Variants in KIF13A observed in about 807,000 individuals in gnomAD.
The protein encoded by KIF13A is kinesin family member 13A.
A neutral mutation model predicts 212.2 loss-of-function variants in KIF13A; 79 were observed. The observed-to-expected ratio is 0.37, with a 90% CI of 0.31 to 0.45. The LOEUF (loss-of-function observed/expected upper bound fraction) is 0.45, where lower values mean the gene tolerates loss of function less well. KIF13A is among the 20% of genes least tolerant of loss of function. The pLI is 1.00. For synonymous variants in KIF13A, 789 were observed against 808.6 expected (o/e 0.98, Z 0.41); for missense variants, 1,901 against 2,209.0 (o/e 0.86, Z 2.79).
intron 12 of KIF13A, among the ~76,000 whole-genome samples, chr6:17,832,468 C>G (rs896706407): frequency 1.3e-5 from 2 of 151,836 alleles, no homozygotes; most frequent in South Asian, 4.2e-4. Context: ...GAATCCCTGA[C>G]TCTACCAAAA....
At chr6:17,972,731 G>C (rs1779915112) in intron 2 of KIF13A, among the ~76,000 whole-genome samples, 1 of 151,460 alleles carries the variant, frequency 6.6e-6, no homozygotes, top group Non-Finnish European at 1.5e-5. Context: ...GTGCAGTCTA[G>C]GGAGTGTCTC....
chr6:17,880,134 T>C, intron 3 of KIF13A, among the ~76,000 whole-genome samples: 1 of 152,072 alleles, frequency 6.6e-6, no homozygotes, highest in East Asian at 1.9e-4. Flanking sequence ...TGTTATTTTT[T>C]GTAGAGATGG....
At position 17,854,651 on chromosome 6, in the gene KIF13A, G is replaced by A. The variant is rs990371617; in HGVS notation, c.494+786C>T. ...ACTCACTGCAACCTCTGCCTCCTGG[G>A]TTCAAGTGATTCTCCTGCAGCCTCT... On this transcript the variant is annotated intron_variant, in intron 6 of 38. Transcript: ENST00000259711. Among the ~76,000 whole-genome samples the A allele has an allele frequency of 2.7e-5, 4 of 145,944 alleles. No individual in the cohort carries two copies. In the East Asian group the frequency reaches 8.1e-4, roughly 29 times the overall value.
In KIF13A at chr6:17,968,296, A is replaced by C. The variant is rs1779501634; in HGVS notation, c.146+18758T>G. Among the ~76,000 whole-genome samples, 1 of 152,216 alleles carries C rather than the reference A, an allele frequency of 6.6e-6. No individual in the cohort carries two copies. On this transcript the variant is annotated intron_variant, in intron 2 of 38. Transcript: ENST00000259711. The surrounding 1 kb of genome is among the most constrained non-coding windows in gnomAD (Gnocchi z 4.7). Reference sequence around the variant, plus strand: ...CCCAGATTCACAGGCAATGGACTCCAGGTGGAGCTGGAGGAAGAGGCCCTG... The same window carrying C: ...CCCAGATTCACAGGCAATGGACTCCCGGTGGAGCTGGAGGAAGAGGCCCTG...
In KIF13A at chr6:17,845,464, T is replaced by C. The variant is rs145053826; in HGVS notation, c.830+3913A>G. On this transcript the variant is annotated intron_variant, in intron 9 of 38. Coordinates refer to ENST00000259711, the MANE Select transcript of KIF13A (RefSeq NM_022113.6). ...ACCCACTTTTGGAGATGTTAGCTTA[T>C]TGATAAGATGTTAGCTTATTAACCA... Among the ~76,000 whole-genome samples the C allele has an allele frequency of 1.2e-3, 183 of 152,332 alleles. 1 individual carries two copies. The highest frequency in any genetic ancestry group is 4.2e-3 in the African/African-American group (176 of 41,584).
Position 17,787,758 on chromosome 6 carries a change from G to C in KIF13A, c.3361+18C>G, listed in dbSNP as rs374186587. 18 of 1,469,858 alleles carry C rather than the reference G, an allele frequency of 1.2e-5. No homozygotes were observed. The African/African-American group carries it at 1.9e-4, about 16-fold the overall frequency. 91.1% of individuals were successfully genotyped at this position (1,469,858 alleles called of 1,614,324 possible). A position where few individuals can be genotyped will look rare whatever the true frequency, so the allele number is the denominator to read the frequency against. On this transcript the variant is annotated intron_variant, in intron 27 of 38. Coordinates refer to ENST00000259711, the MANE Select transcript of KIF13A (RefSeq NM_022113.6). The surrounding 1 kb of genome is among the most constrained non-coding windows in gnomAD (Gnocchi z 4.6). ...AGTGAAAAAGCTACTCCCCATAAAA[G>C]AGTTTGATCTCACATACCTGTTTTA...
intron 2 of KIF13A, among the ~76,000 whole-genome samples, chr6:17,970,124 G>A (rs1412696940): frequency 6.6e-6 from 1 of 151,196 alleles, no homozygotes; most frequent in African/African-American, 2.4e-5. Flanking sequence ...GGGTTTCACC[G>A]TGTTAGCTGG....
chr6:17,950,333 C>G (rs1272060935), intron 2 of KIF13A: 1 of 880,506 alleles, frequency 1.1e-6, no homozygotes, highest in Non-Finnish European at 1.4e-6. Flanking sequence ...GGGATTTAAA[C>G]AAATCTAAGC....
intron 38 of KIF13A, among the ~76,000 whole-genome samples, chr6:17,770,074 C>T (rs1364935428): frequency 6.6e-6 from 1 of 152,144 alleles, no homozygotes; most frequent in Non-Finnish European, 1.5e-5. Context: ...TGGCCAACTG[C>T]ATATCTGGAT....
At position 17,886,353 on chromosome 6, in the gene KIF13A, A is replaced by T. The variant is rs1771536069; in HGVS notation, c.159+11815T>A. On this transcript the variant is annotated intron_variant, in intron 3 of 38. Coordinates refer to ENST00000259711, the MANE Select transcript of KIF13A (RefSeq NM_022113.6). This position sits in a 1 kb window ranked among gnomAD's most constrained non-coding sequence, Gnocchi z 5.6. The stretch of plus-strand genomic sequence containing the variant: ...CATGGCCCCAGGTCACCAAAGCTAA[A>T]GGACCTGAGGCAGTCCAGGGGTTGC... Among the ~76,000 whole-genome samples, 1 of 152,130 alleles carries T rather than the reference A, an allele frequency of 6.6e-6. No homozygotes were observed. Among genetic ancestry groups the T allele is most frequent in the African/African-American group, 2.4e-5 (1 of 41,428 alleles).
Position 17,849,558 on chromosome 6 carries a change from G to C in KIF13A, c.718-69C>G. On this transcript the variant is annotated intron_variant, in intron 8 of 38. Transcript: ENST00000259711. This position sits in a 1 kb window ranked among gnomAD's most constrained non-coding sequence, Gnocchi z 5.7. ...AAACCACATGGATATCTACATATAT[G>C]TTAGCACTATAATTGAGCAATCCAT... The C allele has an allele frequency of 9.1e-7, 1 of 1,099,540 alleles. No individual in the cohort carries two copies. The highest frequency in any genetic ancestry group is 1.4e-5 in the South Asian group (1 of 71,958). 68.1% of individuals were successfully genotyped at this position (1,099,540 alleles called of 1,614,324 possible).
intron 31 of KIF13A, among the ~76,000 whole-genome samples, chr6:17,779,913 T>C (rs1460642569): frequency 2.0e-5 from 3 of 151,738 alleles, no homozygotes; most frequent in Non-Finnish European, 4.4e-5. Flanking sequence ...GCTAACTTTT[T>C]TTTTTTGTAT....
At chr6:17,803,255 T>C (rs1331929832) in intron 20 of KIF13A, among the ~76,000 whole-genome samples, 2 of 152,012 alleles carry the variant, frequency 1.3e-5, no homozygotes, top group African/African-American at 4.8e-5. Context: ...AATTTTTAAA[T>C]TTCTTTTTTA....
At position 17,772,101 on chromosome 6, in the gene KIF13A, C is replaced by T. The variant is rs1759547424; in HGVS notation, c.4325-42G>A. On this transcript the variant is annotated intron_variant, in intron 36 of 38. Transcript: ENST00000259711. This position sits in a 1 kb window ranked among gnomAD's most constrained non-coding sequence, Gnocchi z 4.8. ...GTTATGAGGTTACAGATGCTGAACA[C>T]TTTAAGCAAAACATAGGAACTGAGA... is the stretch of plus-strand genomic sequence containing the variant. The T allele has an allele frequency of 6.3e-7, 1 of 1,586,814 alleles. No homozygotes were observed. Among genetic ancestry groups the T allele is most frequent in the Non-Finnish European group, 8.6e-7 (1 of 1,158,230 alleles).
At chr6:17,805,367 C>T in intron 19 of KIF13A, 108 bp downstream of exon 19, 1 of 673,732 alleles carries the variant, frequency 1.5e-6, no homozygotes, top group South Asian at 2.2e-5. Flanking sequence ...ATGAGCACAT[C>T]TCCGTGTGTG....
intron 3 of KIF13A, among the ~76,000 whole-genome samples, chr6:17,875,957 C>T (rs1050703061): frequency 3.3e-5 from 5 of 152,162 alleles, no homozygotes; most frequent in African/African-American, 9.7e-5. Flanking sequence ...ATTAAAGGCT[C>T]TAAAAAGTCT....
chr6:17,948,705 C>A (rs986903965), intron 2 of KIF13A, among the ~76,000 whole-genome samples: 1 of 151,608 alleles, frequency 6.6e-6, no homozygotes, highest in African/African-American at 2.4e-5. Context: ...GAATTACAGG[C>A]ACCCACCACC....
chr6:17,864,546 TG>T (rs1769170336), intron 4 of KIF13A, among the ~76,000 whole-genome samples: 1 of 152,204 alleles, frequency 6.6e-6, no homozygotes, highest in African/African-American at 2.4e-5. Context: ...TAGAGTGCAG[TG>T]GTGTGATTAT....
rs1240518357 is a variant in KIF13A, at chr6:17,871,805, T to C, written c.220+1572A>G. Among the ~76,000 whole-genome samples the C allele has an allele frequency of 1.3e-5, 2 of 152,204 alleles. No individual in the cohort carries two copies. The highest frequency in any genetic ancestry group is 2.1e-4 in the South Asian group (1 of 4,828). Reference sequence around the variant, plus strand: ...AAGAGCTCCAGTTCAGGAAGATATATATGGCTGCATCTTGAGTAACATAAA... The same window carrying C: ...AAGAGCTCCAGTTCAGGAAGATATACATGGCTGCATCTTGAGTAACATAAA... On this transcript the variant is annotated intron_variant, in intron 4 of 38. Transcript: ENST00000259711. This position sits in a 1 kb window ranked among gnomAD's most constrained non-coding sequence, Gnocchi z 4.4.
Sources: gnomAD v4.1 joint callset for allele counts (sites outside exome capture counted in the v4.1 genomes callset) on GRCh38, gnomAD v4.1.1 for gene constraint, Gnocchi (gnomAD v3.1) non-coding constraint, MANE v1.5 for transcripts, NCBI Gene and HGNC (gene_info 2026-07-23, HGNC 2026-07-21) for gene names.